TBC1D10A: variants seen among roughly 807,000 people sequenced by gnomAD.
TBC1D10A encodes the protein TBC1 domain family member 10A, also known as EBP50-PDX interactor of 64 kDa.
TBC1D10A carries 24 observed loss-of-function variants against 52.9 expected under a neutral mutation model. The observed-to-expected ratio is 0.45, with a 90% CI of 0.33 to 0.64. TBC1D10A has a LOEUF of 0.64. TBC1D10A is among the 30% of genes least tolerant of loss of function. The pLI is 0.02. For synonymous variants in TBC1D10A, 278 were observed against 282.9 expected (o/e 0.98, Z 0.17); for missense variants, 602 against 687.9 (o/e 0.88, Z 1.40).
chr22:30,316,756 T>C (rs1930545639), intron 1 of TBC1D10A, among the ~76,000 whole-genome samples: 1 of 152,172 alleles, frequency 6.6e-6, no homozygotes. Context: ...GCTGCCTTAG[T>C]TGGCTGGCAC....
In TBC1D10A at chr22:30,295,836, T is replaced by C. The variant is rs1400224475; in HGVS notation, c.425A>G (p.Asp142Gly). The C allele has an allele frequency of 1.9e-6, 3 of 1,612,920 alleles. No homozygotes were observed. In the African/African-American group the frequency reaches 4.0e-5, roughly 22 times the overall value. The change falls in exon 4 of 9, where the codon GAC (aspartate) becomes GGC (glycine). Residue 142 changes from aspartate to glycine, a missense_variant. Around this residue, in one of 3 missense-constraint regions of TBC1D10A, gnomAD observed 201 missense variants for 204.4 expected, o/e 0.98. Coordinates refer to ENST00000215790, the MANE Select transcript of TBC1D10A (RefSeq NM_031937.3). ...QQNPGKFDEL[D>G]MSPGDPKWLD... ...CCACTTGGGGTCCCCAGGGGACATGTCCAGCTCCTAGAAGCAAGGGCACAA... is the reference window on the plus strand; with the variant it reads ...CCACTTGGGGTCCCCAGGGGACATGCCCAGCTCCTAGAAGCAAGGGCACAA...
At chr22:30,304,723 C>G (rs1569161315) in intron 1 of TBC1D10A, 93 bp from the exon 2 acceptor site, 2 of 1,528,168 alleles carry the variant, frequency 1.3e-6, no homozygotes, top group East Asian at 2.4e-5. Context: ...GACCTCCATT[C>G]TTCCTGCCTA....
chr22:30,318,576 C>T, intron 1 of TBC1D10A: 1 of 470,150 alleles, frequency 2.1e-6, no homozygotes, highest in South Asian at 1.5e-5. Context: ...CCACAGCTGG[C>T]CTTGCTTCCC....
chr22:30,300,216 G>A (rs1027923744), intron 2 of TBC1D10A, among the ~76,000 whole-genome samples: 3 of 151,938 alleles, frequency 2.0e-5, no homozygotes, highest in Non-Finnish European at 2.9e-5. Flanking sequence ...GGGGAGCCGA[G>A]AAGGGCAGAT....
chr22:30,312,899 T>A (rs1569163226), intron 1 of TBC1D10A, among the ~76,000 whole-genome samples: 1 of 152,140 alleles, frequency 6.6e-6, no homozygotes, highest in African/African-American at 2.4e-5. Context: ...TCCCTGCCCT[T>A]GAGGAGGTCA....
At chr22:30,296,053 C>T in intron 3 of TBC1D10A, 2 of 574,868 alleles carry the variant, frequency 3.5e-6, no homozygotes, top group Non-Finnish European at 3.1e-6. Context: ...GGGAAGGGCC[C>T]TGGAAACCTT....
In TBC1D10A at chr22:30,292,504, TGG is replaced by T; in HGVS notation, c.1396_1397del (p.Pro466ThrfsTer38). ...CTGAGTCCTTCGGGGGCACATGCTG[TGG>T]GGGACATGCATCTCCTGCAGCGGCC... ...VVAAAGDACPPQHVPPKDSAP... is the reference protein window; with the variant it reads ...VVAAAGDACPXQHVPPKDSAP... On this transcript the variant is annotated frameshift_variant, in exon 9 of 9. Coordinates refer to ENST00000215790, the MANE Select transcript of TBC1D10A (RefSeq NM_031937.3). LOFTEE classifies it high-confidence loss of function. 1 of 1,609,920 alleles carries T rather than the reference TGG, an allele frequency of 6.2e-7. No homozygotes were observed. The highest frequency in any genetic ancestry group is 1.1e-5 in the South Asian group (1 of 90,452).
chr22:30,308,200 C>A (rs1491001270), intron 1 of TBC1D10A, among the ~76,000 whole-genome samples: 1 of 151,520 alleles, frequency 6.6e-6, no homozygotes, highest in Non-Finnish European at 1.5e-5. Context: ...CCAGGCCTGA[C>A]TGACTCTACA....
At position 30,296,540 on chromosome 22, in the gene TBC1D10A, C is replaced by G. The variant is rs541356167; in HGVS notation, c.418-697G>C. 2.6e-5 allele frequency: 4 copies of G among 152,324 alleles called. No homozygotes were observed. In the South Asian group the frequency reaches 8.3e-4, roughly 32 times the overall value. The allele number at this position is 152,324 out of a possible 1,614,324, so 9.4% of individuals were successfully genotyped here. ...CTGGAAGGACATGACATCTGTCAAA[C>G]CATTAACCTCAGATACTTCTCTGGG... On this transcript the variant is annotated intron_variant, in intron 3 of 8. Transcript: ENST00000215790.
At chr22:30,319,030 C>T (rs866867790) in intron 1 of TBC1D10A, among the ~76,000 whole-genome samples, 12 of 151,780 alleles carry the variant, frequency 7.9e-5, no homozygotes, top group African/African-American at 2.9e-4. Context: ...TACTGCCTCC[C>T]GTTCTTCTTG....
At chr22:30,318,677 G>A (rs1313415625) in intron 1 of TBC1D10A, 4 of 471,172 alleles carry the variant, frequency 8.5e-6, no homozygotes, top group South Asian at 6.2e-5. Context: ...CAGCCCACAT[G>A]GCAGTCATGA....
Position 30,292,018 on chromosome 22 carries a change from C to G in TBC1D10A, c.*357G>C, listed in dbSNP as rs1929952685. ...CTATACAAGGCTGTTTATTTCTGTACAAAACCATGTTTCTATTTTACACAA... is the reference window on the plus strand; with the variant it reads ...CTATACAAGGCTGTTTATTTCTGTAGAAAACCATGTTTCTATTTTACACAA... On this transcript the variant is annotated 3_prime_UTR_variant, in exon 9 of 9. Coordinates refer to ENST00000215790, the MANE Select transcript of TBC1D10A (RefSeq NM_031937.3). 2 of 224,722 alleles carry G rather than the reference C, an allele frequency of 8.9e-6. No homozygotes were observed. The highest frequency in any genetic ancestry group is 1.9e-4 in the East Asian group (2 of 10,758). 13.9% of individuals were successfully genotyped at this position (224,722 alleles called of 1,614,324 possible). A position where few individuals can be genotyped will look rare whatever the true frequency, so the allele number is the denominator to read the frequency against.
At chr22:30,304,685 G>A (rs1380789968) in intron 1 of TBC1D10A, 55 bp from the exon 2 acceptor site, 2 of 1,594,334 alleles carry the variant, frequency 1.3e-6, no homozygotes. Context: ...AAAGGCCCTG[G>A]CTTCATTCCC....
intron 1 of TBC1D10A, among the ~76,000 whole-genome samples, chr22:30,315,442 TAGTAG>T (rs1386663844): frequency 1.3e-5 from 2 of 152,198 alleles, no homozygotes; most frequent in Non-Finnish European, 2.9e-5. Flanking sequence ...TTTGTATTTT[TAGTAG>T]AGATACAGTT....
chr22:30,319,567 T>C (rs551874497), intron 1 of TBC1D10A, among the ~76,000 whole-genome samples: 11 of 152,244 alleles, frequency 7.2e-5, no homozygotes, highest in African/African-American at 2.4e-4. Context: ...TCTGAAGACC[T>C]GGACAGGGCA....
In TBC1D10A at chr22:30,304,392, C is replaced by T. The variant is rs1930268163; in HGVS notation, c.309+139G>A. On this transcript the variant is annotated intron_variant, in intron 2 of 8. Transcript: ENST00000215790. ...TGCCTTCAAGCCAGCTTCTGTCCTG[C>T]ACTGGCAGTTGGAGGACACCTAAGG... 4 of 1,422,382 alleles carry T rather than the reference C, an allele frequency of 2.8e-6. No individual in the cohort carries two copies. The African/African-American group carries it at 4.3e-5, about 15-fold the overall frequency. The allele number at this position is 1,422,382 out of a possible 1,614,324, so 88.1% of individuals were successfully genotyped here.
In TBC1D10A at chr22:30,295,880, T is replaced by C. The variant is rs769214817; in HGVS notation, c.418-37A>G. ...GGCACAAATTAGGGGCTGGGGAGGA[T>C]GGAGGTGGGCTTTGCTGACAGGACA... On this transcript the variant is annotated intron_variant, in intron 3 of 8. Coordinates refer to ENST00000215790, the MANE Select transcript of TBC1D10A (RefSeq NM_031937.3). 5 of 1,581,882 alleles carry C rather than the reference T, an allele frequency of 3.2e-6. No individual in the cohort carries two copies. In the East Asian group the frequency reaches 9.1e-5, roughly 29 times the overall value.
rs117762406 is a variant in TBC1D10A, at chr22:30,304,910, T to G, written c.210-280A>C. Among the ~76,000 whole-genome samples, 12 of 152,354 alleles carry G rather than the reference T, an allele frequency of 7.9e-5. No individual in the cohort carries two copies. The East Asian group carries it at 2.3e-3, about 29-fold the overall frequency. The stretch of plus-strand genomic sequence containing the variant: ...CATGGTACCTCTCTGAGGCAGAGGC[T>G]GAGTGAGTGTCTGCATCTGTGCAGC... On this transcript the variant is annotated intron_variant, in intron 1 of 8. Transcript: ENST00000215790.
Position 30,301,611 on chromosome 22 carries a change from A to G in TBC1D10A, c.310-2060T>C, listed in dbSNP as rs117534299. Among the ~76,000 whole-genome samples, 1,248 of 152,226 alleles carry G rather than the reference A, an allele frequency of 8.2e-3. 7 individuals are homozygous for G. The highest frequency in any genetic ancestry group is 0.012 in the Non-Finnish European group (835 of 68,006). ...AAGCCCAGGACCTCAGCTCACACCT[A>G]ACTTCCCCTCACCTAGAAACCCCCT... On this transcript the variant is annotated intron_variant, in intron 2 of 8. Transcript: ENST00000215790.
Sources: gnomAD v4.1 joint callset for allele counts (sites outside exome capture counted in the v4.1 genomes callset) on GRCh38, gnomAD v4.1.1 for gene constraint, gnomAD v4.1.1 regional missense constraint, MANE v1.5 for transcripts, NCBI Gene and HGNC (gene_info 2026-07-23, HGNC 2026-07-21) for gene names.